ESR2: variants seen among roughly 807,000 people sequenced by gnomAD.
The protein encoded by ESR2 is estrogen receptor beta.
A neutral mutation model predicts 49.6 loss-of-function variants in ESR2; 36 were observed. That is an observed-to-expected ratio of 0.73 (90% confidence interval 0.56 to 0.96). ESR2 has a LOEUF of 0.96. Among genes scored for constraint, ESR2 ranks in the 40% least tolerant of loss-of-function variants. The pLI is 0.00. For missense variants in ESR2, 714 were observed against 693.0 expected, an observed-to-expected ratio of 1.03 and a Z score of -0.34; for synonymous variants, 320 against 266.1, an observed-to-expected ratio of 1.20 and a Z score of -1.97.
rs1183142918 is a variant in ESR2, at chr14:64,306,021, C to T, written c.-90-22946G>A. 2.0e-5 allele frequency among the ~76,000 whole-genome samples: 3 copies of T among 151,884 alleles called. No homozygotes were observed. In the East Asian group the frequency reaches 5.8e-4, roughly 29 times the overall value. On this transcript the variant is annotated intron_variant, in intron 1 of 8. Coordinates refer to the ESR2 transcript ENST00000358599. ...GTCAAGAGATTGAGATCATCCTGAC[C>T]AACATGGTGAAACCCCGTCCCTAGT...
At chr14:64,246,734 CAAAAAAAAAA>C (rs71123836) in intron 7 of ESR2, among the ~76,000 whole-genome samples, 22 of 36,448 alleles carry the variant, frequency 6.0e-4, no homozygotes, top group East Asian at 2.4e-3. Flanking sequence ...AAGACTCTGT[CAAAAAAAAAA>C]AAAAAAAAAA....
chr14:64,241,145 C>CAAAA (rs56347632), intron 7 of ESR2, among the ~76,000 whole-genome samples: 21 of 95,332 alleles, frequency 2.2e-4, no homozygotes, highest in East Asian at 1.5e-3. Flanking sequence ...GACTCCGTCT[C>CAAAA]AAAAAAAAAA....
rs551880677 is a variant in ESR2 at position 64,309,274 on chromosome 14, C to T, written c.-90-26199G>A. 3.3e-5 allele frequency among the ~76,000 whole-genome samples: 5 copies of T among 152,240 alleles called. No individual in the cohort carries two copies. In the East Asian group the frequency reaches 9.7e-4, roughly 29 times the overall value. ...AAGCAGATGTTACATAGGCCAAGCA[C>T]ACTGTGGTATAATATTTTAACAGGT... On this transcript the variant is annotated intron_variant, in intron 1 of 8. Coordinates refer to the ESR2 transcript ENST00000358599.
intron 1 of ESR2, among the ~76,000 whole-genome samples, chr14:64,291,029 C>T (rs1315725475): frequency 6.6e-6 from 1 of 152,160 alleles, no homozygotes; most frequent in African/African-American, 2.4e-5. Context: ...CAAGTTTCTG[C>T]TCTTCCCTAA....
rs2098728759 is a variant in ESR2, at chr14:64,233,045, ACAG to A, written c.*89_*91del. The A allele has an allele frequency of 1.3e-6, 2 of 1,522,918 alleles. No homozygotes were observed. Among genetic ancestry groups the A allele is most frequent in the African/African-American group, 2.8e-5 (2 of 72,478 alleles). The allele number at this position is 1,522,918 out of a possible 1,614,324, so 94.3% of individuals were successfully genotyped here. On this transcript the variant is annotated 3_prime_UTR_variant, in exon 9 of 9. Coordinates refer to ENST00000341099, the MANE Select transcript of ESR2 (RefSeq NM_001437.3). ...CTGCCATCACCAAATGAGGGACCAC[ACAG>A]CAGAAAGATGAAGCCCAGGCTCCTG...
intron 1 of ESR2, chr14:64,337,401 C>T (rs2077544681): frequency 6.6e-6 from 1 of 152,192 alleles, no homozygotes; most frequent in Non-Finnish European, 1.5e-5. Context: ...TACAACTTAC[C>T]AGGAATATTT....
chr14:64,295,196 AG>A (rs1378935505), upstream of ESR2, among the ~76,000 whole-genome samples: 6 of 120,934 alleles, frequency 5.0e-5, no homozygotes, highest in Admixed American at 7.5e-5. Flanking sequence ...GGCCATTGTG[AG>A]AACCCCCCAG....
At chr14:64,307,467 C>T (rs1005286911) in intron 1 of ESR2, among the ~76,000 whole-genome samples, 1 of 152,042 alleles carries the variant, frequency 6.6e-6, no homozygotes, top group Admixed American at 6.6e-5. Flanking sequence ...CCCACCTCAG[C>T]CTTCCAAAGT....
intron 2 of ESR2, among the ~76,000 whole-genome samples, chr14:64,281,678 A>C (rs1446634723): frequency 6.6e-6 from 1 of 152,166 alleles, no homozygotes; most frequent in East Asian, 1.9e-4. Flanking sequence ...TTCCCTTCAT[A>C]CCTATGATTA....
chr14:64,232,513 G>A lies in ESR2; in HGVS notation c.*624C>T. 1 of 152,312 alleles carries A rather than the reference G, an allele frequency of 6.6e-6. No individual in the cohort carries two copies. The highest frequency in any genetic ancestry group is 1.9e-4 in the East Asian group (1 of 5,200). The allele number at this position is 152,312 out of a possible 1,614,324, so 9.4% of individuals were successfully genotyped here. On this transcript the variant is annotated 3_prime_UTR_variant, in exon 9 of 9. Transcript: ENST00000341099. ...TACAAATCGAGAGGGACAAATCTGT[G>A]TGCAGCTGGCAGCAAGGTCAGGGAG... is the stretch of plus-strand genomic sequence containing the variant.
chr14:64,295,231 C>A (rs2140855375), upstream of ESR2, among the ~76,000 whole-genome samples: 1 of 152,320 alleles, frequency 6.6e-6, no homozygotes, highest in South Asian at 2.1e-4. Flanking sequence ...CCTAATTAAT[C>A]ATCAAACCAT....
rs114550887 is a variant in ESR2 at position 64,272,983 on chromosome 14, C to T, written c.536-4072G>A. On this transcript the variant is annotated intron_variant, in intron 3 of 8. Coordinates refer to ENST00000341099, the MANE Select transcript of ESR2 (RefSeq NM_001437.3). ...GTATGGACATATTAATTCCTCCATTCCATGAACATGGAATATCTTTCCATT... is the reference window on the plus strand; with the variant it reads ...GTATGGACATATTAATTCCTCCATTTCATGAACATGGAATATCTTTCCATT... Among the ~76,000 whole-genome samples, 444 of 143,328 alleles carry T rather than the reference C, an allele frequency of 3.1e-3. 5 individuals carry two copies. The highest frequency in any genetic ancestry group is 0.012 in the African/African-American group (432 of 36,640). The allele number at this position is 143,328 out of a possible 152,430, so 94.0% of individuals were successfully genotyped here.
intron 6 of ESR2, among the ~76,000 whole-genome samples, chr14:64,252,904 G>A (rs2076017999): frequency 6.6e-6 from 1 of 152,020 alleles, no homozygotes; most frequent in Non-Finnish European, 1.5e-5. Context: ...TGCCCAGACT[G>A]GAGTGCAGTG....
chr14:64,264,967 A>G (rs1402238088), intron 4 of ESR2, among the ~76,000 whole-genome samples: 3 of 152,214 alleles, frequency 2.0e-5, no homozygotes, highest in Non-Finnish European at 4.4e-5. Flanking sequence ...AGGAATTTAC[A>G]AAACAGATTT....
intron 1 of ESR2, among the ~76,000 whole-genome samples, chr14:64,328,771 G>C (rs2077419506): frequency 6.6e-6 from 1 of 152,120 alleles, no homozygotes; most frequent in Non-Finnish European, 1.5e-5. Flanking sequence ...CCATTTTGTA[G>C]ATGAGAAAAC....
intron 1 of ESR2, among the ~76,000 whole-genome samples, chr14:64,288,292 G>A (rs2140837679): frequency 6.6e-6 from 1 of 151,220 alleles, no homozygotes; most frequent in South Asian, 2.1e-4. Context: ...AATGATTCAT[G>A]GACAAGAAAA....
chr14:64,235,006 T>G lies in ESR2; in HGVS notation c.1370A>C (p.Asn457Thr). The change falls in exon 8 of 9, where the codon AAC becomes ACC. Residue 457 changes from asparagine (N) to threonine (T), a missense_variant. Coordinates refer to ENST00000341099, the MANE Select transcript of ESR2 (RefSeq NM_001437.3). Reference sequence around the variant, plus strand: ...GACGTGGGACAGGAGCATCAGGAGGTTAGCCAGGCGCATGGATTGCTGCTG... The same window carrying G: ...GACGTGGGACAGGAGCATCAGGAGGGTAGCCAGGCGCATGGATTGCTGCTG... Reference protein sequence around the residue: ...SSQQQSMRLANLLMLLSHVRH... With the variant: ...SSQQQSMRLATLLMLLSHVRH... The G allele has an allele frequency of 6.2e-7, 1 of 1,613,992 alleles. No individual in the cohort carries two copies. The highest frequency in any genetic ancestry group is 1.7e-4 in the Middle Eastern group (1 of 6,060).
intron 4 of ESR2, among the ~76,000 whole-genome samples, chr14:64,265,451 T>C (rs1441158009): frequency 6.6e-6 from 1 of 152,140 alleles, no homozygotes; most frequent in Non-Finnish European, 1.5e-5. Flanking sequence ...ATGGCACAGC[T>C]AGAAAATAGC....
At chr14:64,321,566 A>G (rs941191088) in intron 1 of ESR2, among the ~76,000 whole-genome samples, 2 of 152,230 alleles carry the variant, frequency 1.3e-5, no homozygotes, top group Admixed American at 1.3e-4. Flanking sequence ...CAATAAAATT[A>G]AATAGAGATG....
Sources: allele counts gnomAD v4.1 joint callset (sites outside exome capture counted in the v4.1 genomes callset), GRCh38; gene constraint gnomAD v4.1.1; transcripts MANE v1.5; gene names NCBI Gene and HGNC (gene_info 2026-07-23, HGNC 2026-07-21).